The following CRPPA variants were observed in gnomAD, a reference collection of about 807,000 sequenced individuals.
CRPPA encodes D-ribitol-5-phosphate cytidylyltransferase.
Under a neutral mutation model 52.0 loss-of-function variants are expected in CRPPA, and 43 were observed. That is an observed-to-expected ratio of 0.83 (90% CI 0.65 to 1.07). CRPPA has a LOEUF of 1.07. Among genes scored for constraint, CRPPA ranks in the 50% least tolerant of loss-of-function variants. CRPPA has a pLI of 0.00. For missense variants in CRPPA, 629 were observed against 551.7 expected (o/e 1.14, Z -1.40); for synonymous variants, 250 against 203.5 (o/e 1.23, Z -1.94).
At chr7:16,194,803 G>C (rs1010243841) in intron 9 of CRPPA, among the ~76,000 whole-genome samples, 1 of 151,376 alleles carries the variant, frequency 6.6e-6, no homozygotes, top group East Asian at 1.9e-4. Flanking sequence ...GTGAACTTTG[G>C]AAATTATGCT....
rs1259657056 is a variant in CRPPA, at chr7:16,418,097, A to G, written c.257+2969T>C. Among the ~76,000 whole-genome samples the G allele has an allele frequency of 2.6e-5, 4 of 152,352 alleles. No homozygotes were observed. In the East Asian group the frequency reaches 7.7e-4, roughly 29 times the overall value. ...TTTGGCCCCATACCCTAAGAAAACT[A>G]TCAACAGTCTGTAGGGCTGATCTTT... On this transcript the variant is annotated intron_variant, in intron 1 of 9. Coordinates refer to ENST00000407010, the MANE Select transcript of CRPPA (RefSeq NM_001101426.4).
intron 9 of CRPPA, among the ~76,000 whole-genome samples, chr7:16,105,358 G>T (rs1043922368): frequency 6.6e-6 from 1 of 152,140 alleles, no homozygotes; most frequent in Non-Finnish European, 1.5e-5. Flanking sequence ...CTCTAAGATG[G>T]CACAATGCCA....
chr7:16,096,065 TG>T (rs1175517978), intron 9 of CRPPA, among the ~76,000 whole-genome samples: 5 of 152,182 alleles, frequency 3.3e-5, no homozygotes, highest in African/African-American at 1.2e-4. Context: ...GACTACAGCC[TG>T]GGTATAAGGC....
chr7:16,420,996 A>G, intron 1 of CRPPA, 70 bp downstream of exon 1: 1 of 1,228,342 alleles, frequency 8.1e-7, no homozygotes, highest in Non-Finnish European at 1.0e-6. Flanking sequence ...CTAGCGCTAG[A>G]GCAGCGGCAG....
At chr7:16,239,332 A>G (rs983867246) in intron 8 of CRPPA, among the ~76,000 whole-genome samples, 4 of 151,878 alleles carry the variant, frequency 2.6e-5, no homozygotes, top group Admixed American at 6.6e-5. Flanking sequence ...CTCATTTTAC[A>G]AGTTACATTT....
intron 9 of CRPPA, chr7:16,209,025 G>A: frequency 4.5e-6 from 2 of 444,964 alleles, no homozygotes; most frequent in Admixed American, 2.2e-5. Context: ...CACAGGGCAA[G>A]AAGGGCAAGG....
intron 9 of CRPPA, among the ~76,000 whole-genome samples, chr7:16,170,747 G>A (rs890038904): frequency 2.6e-5 from 4 of 152,178 alleles, no homozygotes; most frequent in African/African-American, 4.8e-5. Flanking sequence ...CTGAGGCCCC[G>A]TGAGAATTCA....
intron 8 of CRPPA, among the ~76,000 whole-genome samples, chr7:16,227,244 T>C (rs535784522): frequency 1.3e-5 from 2 of 152,104 alleles, no homozygotes; most frequent in African/African-American, 4.8e-5. Flanking sequence ...TTCCTTTGTA[T>C]ATGTAGCTAG....
intron 9 of CRPPA, among the ~76,000 whole-genome samples, chr7:16,207,384 CCT>C (rs1283017212): frequency 6.6e-6 from 1 of 152,214 alleles, no homozygotes; most frequent in Non-Finnish European, 1.5e-5. Flanking sequence ...TCACATTTCT[CCT>C]ACCTAGTTTC....
chr7:16,241,970 T>TTTTTTTTTTTTTTTTG lies in CRPPA; in HGVS notation c.1119+16419_1119+16420insCAAAAAAAAAAAAAAA, dbSNP rs1241010922. Among the ~76,000 whole-genome samples, 9 of 104,892 alleles carry TTTTTTTTTTTTTTTTG rather than the reference T, an allele frequency of 8.6e-5. 1 individual carries two copies. Among genetic ancestry groups the TTTTTTTTTTTTTTTTG allele is most frequent in the Non-Finnish European group, 1.5e-4 (8 of 53,620 alleles). The allele number at this position is 104,892 out of a possible 152,430, so 68.8% of individuals were successfully genotyped here. On this transcript the variant is annotated intron_variant, in intron 8 of 9. Coordinates refer to ENST00000407010, the MANE Select transcript of CRPPA (RefSeq NM_001101426.4). ...TCTTTTTTTTTTTTTTTTTTTTTTG[T>TTTTTTTTTTTTTTTTG]TGGGGGGAGATAGAGTCTCGCTCTG...
At chr7:16,151,767 A>C (rs1329071051) in intron 9 of CRPPA, among the ~76,000 whole-genome samples, 1 of 152,014 alleles carries the variant, frequency 6.6e-6, no homozygotes, top group East Asian at 1.9e-4. Context: ...TTATTTTATA[A>C]GACTCTATTT....
intron 4 of CRPPA, among the ~76,000 whole-genome samples, chr7:16,304,412 C>T (rs1258357026): frequency 1.3e-5 from 2 of 152,032 alleles, no homozygotes; most frequent in Non-Finnish European, 2.9e-5. Flanking sequence ...TTACTTTTAC[C>T]AAAACGTATT....
intron 5 of CRPPA, among the ~76,000 whole-genome samples, chr7:16,281,116 T>A (rs1044827256): frequency 6.6e-6 from 1 of 152,208 alleles, no homozygotes; most frequent in South Asian, 2.1e-4. Flanking sequence ...CATTGCCACA[T>A]AAATTTTTAC....
intron 9 of CRPPA, among the ~76,000 whole-genome samples, chr7:16,190,776 T>C (rs906674256): frequency 6.6e-6 from 1 of 152,102 alleles, no homozygotes; most frequent in Non-Finnish European, 1.5e-5. Flanking sequence ...TCTCCCACCC[T>C]TTCCCCCAAG....
At chr7:16,205,112 C>CA (rs1438524019) in intron 9 of CRPPA, among the ~76,000 whole-genome samples, 8 of 152,168 alleles carry the variant, frequency 5.3e-5, no homozygotes, top group African/African-American at 1.9e-4. Context: ...CAGCAGAAGG[C>CA]AAAACAGCTA....
chr7:16,113,108 G>T (rs1404937367), intron 9 of CRPPA, among the ~76,000 whole-genome samples: 2 of 151,836 alleles, frequency 1.3e-5, no homozygotes, highest in Non-Finnish European at 2.9e-5. Flanking sequence ...TGAGAGTCTT[G>T]AAACATAAAA....
intron 1 of CRPPA, among the ~76,000 whole-genome samples, chr7:16,414,630 G>A (rs1788149501): frequency 6.6e-6 from 1 of 152,108 alleles, no homozygotes; most frequent in South Asian, 2.1e-4. Context: ...AGAAACTCAG[G>A]TCACAAAGCG....
intron 8 of CRPPA, among the ~76,000 whole-genome samples, chr7:16,246,132 T>C (rs1314402339): frequency 6.6e-6 from 1 of 152,206 alleles, no homozygotes. Context: ...CTTAATCTTC[T>C]CAAACCCTGC....
At chr7:16,131,840 C>G (rs1298369897) in intron 9 of CRPPA, among the ~76,000 whole-genome samples, 2 of 152,198 alleles carry the variant, frequency 1.3e-5, no homozygotes, top group East Asian at 3.9e-4. Flanking sequence ...CTTGGCCTCT[C>G]AAAGTGCAGG....
Sources: gnomAD v4.1 joint callset for allele counts (sites outside exome capture counted in the v4.1 genomes callset) on GRCh38, gnomAD v4.1.1 for gene constraint, MANE v1.5 for transcripts, NCBI Gene and HGNC (gene_info 2026-07-23, HGNC 2026-07-21) for gene names.